FDFT1: variants seen among roughly 807,000 people sequenced by gnomAD.
The protein encoded by FDFT1 is squalene synthase.
A neutral mutation model predicts 46.8 loss-of-function variants in FDFT1; 68 were observed. The ratio of observed to expected loss-of-function variants is 1.45; its 90% CI spans 1.19 to 1.78. The LOEUF is 1.78. FDFT1 is among the 40% of genes most tolerant of loss of function. FDFT1 has a pLI of 0.00. For synonymous variants in FDFT1, 351 were observed against 185.1 expected, an observed-to-expected ratio of 1.90 and a Z score of -7.28; for missense variants, 928 against 524.4, an observed-to-expected ratio of 1.77 and a Z score of -7.52.
intron 3 of FDFT1, among the ~76,000 whole-genome samples, chr8:11,819,680 G>C (rs952837373): frequency 6.6e-6 from 1 of 151,894 alleles, no homozygotes. Context: ...CTTGTACTTT[G>C]GTTTTCAGCT....
At chr8:11,824,182 G>A (rs1052786322) in intron 4 of FDFT1, among the ~76,000 whole-genome samples, 1 of 152,112 alleles carries the variant, frequency 6.6e-6, no homozygotes, top group Non-Finnish European at 1.5e-5. Flanking sequence ...CCTTCCTAAT[G>A]ACACTCCAGA....
At position 11,831,635 on chromosome 8, in the gene FDFT1, G is replaced by T. The variant is rs111415615; in HGVS notation, c.997G>T (p.Ala333Ser). 5.5e-5 allele frequency: 89 copies of T among 1,613,914 alleles called. No individual in the cohort carries two copies. Among genetic ancestry groups the T allele is most frequent in the African/African-American group, 6.7e-5 (5 of 74,930 alleles). ...GATGATGGATGCCACCAATATGCCA[G>T]CTGTCAAAGCCATCATATATCAGTA... ...TLMMDATNMP[A>S]VKAIIYQYME... Residue 333 changes from alanine (A) to serine (S), a missense_variant, in exon 7 of 8, where the codon GCT (alanine) becomes TCT (serine). Transcript: ENST00000220584.
chr8:11,820,712 C>A (rs144852957), intron 3 of FDFT1, among the ~76,000 whole-genome samples: 1 of 152,288 alleles, frequency 6.6e-6, no homozygotes, highest in East Asian at 1.9e-4. Flanking sequence ...CTGCCAGTTG[C>A]GAAGACTGGG....
At chr8:11,814,028 A>G (rs1808099994) in intron 3 of FDFT1, among the ~76,000 whole-genome samples, 1 of 152,214 alleles carries the variant, frequency 6.6e-6, no homozygotes, top group African/African-American at 2.4e-5. Context: ...TTGGAAGGAT[A>G]GGTGAAGTTC....
rs936597292 is a variant in FDFT1 at position 11,817,209 on chromosome 8, G to A, written c.382-4541G>A. Reference sequence around the variant, plus strand: ...GTATGTTGAACAGCCTTGCATCCCAGGGATGAAGCCGACTTGATCGTGGTG... The same window carrying A: ...GTATGTTGAACAGCCTTGCATCCCAAGGATGAAGCCGACTTGATCGTGGTG... On this transcript the variant is annotated intron_variant, in intron 3 of 7. Coordinates refer to ENST00000220584, the MANE Select transcript of FDFT1 (RefSeq NM_004462.5). Among the ~76,000 whole-genome samples, 3 of 152,192 alleles carry A rather than the reference G, an allele frequency of 2.0e-5. No individual in the cohort carries two copies. In the East Asian group the frequency reaches 5.8e-4, roughly 29 times the overall value.
chr8:11,834,311 A>G (rs912799746), intron 7 of FDFT1, among the ~76,000 whole-genome samples: 1 of 152,220 alleles, frequency 6.6e-6, no homozygotes, highest in African/African-American at 2.4e-5. Flanking sequence ...ACCAGCCTGG[A>G]TGCTTGTCAG....
intron 1 of FDFT1, among the ~76,000 whole-genome samples, chr8:11,804,441 T>C (rs980944343): frequency 1.3e-5 from 2 of 152,214 alleles, no homozygotes; most frequent in Non-Finnish European, 1.5e-5. Context: ...TGAGCTATTC[T>C]AGCTCTGATA....
At chr8:11,821,034 C>T (rs1161272345) in intron 3 of FDFT1, among the ~76,000 whole-genome samples, 1 of 152,148 alleles carries the variant, frequency 6.6e-6, no homozygotes, top group Non-Finnish European at 1.5e-5. Flanking sequence ...TGTTTGTTGC[C>T]CTGATGTATA....
chr8:11,810,306 C>T (rs755025556), intron 3 of FDFT1, among the ~76,000 whole-genome samples: 1 of 152,194 alleles, frequency 6.6e-6, no homozygotes, highest in Non-Finnish European at 1.5e-5. Context: ...ATGATGCAGC[C>T]TACCTGTAAC....
rs1387833747 is a variant in FDFT1, at chr8:11,796,341, C to T, written c.-94+330C>T. Among the ~76,000 whole-genome samples the T allele has an allele frequency of 3.3e-5, 5 of 152,110 alleles. 1 individual carries two copies. The highest frequency in any genetic ancestry group is 7.2e-5 in the African/African-American group (3 of 41,400). ...CGCCAGATACTGTGTAGGCCCAGCC[C>T]TTGTGCTTGAGGGGGCCACTGTGAG... On this transcript the variant is annotated intron_variant, in intron 1 of 7. Coordinates refer to the FDFT1 transcript ENST00000538689.
upstream of FDFT1, chr8:11,802,732 C>A (rs1806285691): frequency 2.2e-6 from 2 of 901,260 alleles, no homozygotes; most frequent in Non-Finnish European, 1.8e-6. Context: ...CCTGTCCGGC[C>A]AGCCCCTCGA....
At position 11,802,781 on chromosome 8, in the gene FDFT1, T is replaced by C. The variant is rs956085943; in HGVS notation, c.-52T>C. On this transcript the variant is annotated 5_prime_UTR_variant, in exon 1 of 8. Coordinates refer to ENST00000220584, the MANE Select transcript of FDFT1 (RefSeq NM_004462.5). ...CAGGTCCAGCCGGCCGGTGAGCGCCTGGGGACCGCAGAGGTGAGAGTCGCG... is the reference window on the plus strand; with the variant it reads ...CAGGTCCAGCCGGCCGGTGAGCGCCCGGGGACCGCAGAGGTGAGAGTCGCG... 1 of 1,446,034 alleles carries C rather than the reference T, an allele frequency of 6.9e-7. No individual in the cohort carries two copies. Among genetic ancestry groups the C allele is most frequent in the African/African-American group, 1.4e-5 (1 of 71,276 alleles). The allele number at this position is 1,446,034 out of a possible 1,614,324, so 89.6% of individuals were successfully genotyped here.
intron 7 of FDFT1, among the ~76,000 whole-genome samples, chr8:11,834,748 C>T (rs962092795): frequency 2.0e-5 from 3 of 152,216 alleles, no homozygotes; most frequent in African/African-American, 7.2e-5. Flanking sequence ...ACCACATGGA[C>T]TCACAGAGGA....
At chr8:11,799,688 C>G (rs1195119956), upstream of FDFT1, among the ~76,000 whole-genome samples, 1 of 151,452 alleles carries the variant, frequency 6.6e-6, no homozygotes, top group South Asian at 2.1e-4. Flanking sequence ...TGGCTCACGC[C>G]TGTAATCCCA....
chr8:11,813,407 G>A (rs1050339529), intron 3 of FDFT1, among the ~76,000 whole-genome samples: 1 of 152,122 alleles, frequency 6.6e-6, no homozygotes, highest in Non-Finnish European at 1.5e-5. Context: ...TACTCTTTGT[G>A]TTATTTGATC....
intron 1 of FDFT1, among the ~76,000 whole-genome samples, chr8:11,806,042 G>C (rs1462658421): frequency 6.6e-6 from 1 of 152,150 alleles, no homozygotes; most frequent in Non-Finnish European, 1.5e-5. Flanking sequence ...CCCTCCTGGA[G>C]AAATCTATTC....
chr8:11,828,133 C>A (rs556971946), intron 5 of FDFT1, among the ~76,000 whole-genome samples: 22 of 151,590 alleles, frequency 1.5e-4, no homozygotes, highest in Non-Finnish European at 2.7e-4. Flanking sequence ...AAAAAAAAAT[C>A]AAAAATTAGC....
chr8:11,803,060 G>A, intron 1 of FDFT1, 129 bp downstream of exon 1: 1 of 1,456,746 alleles, frequency 6.9e-7, no homozygotes, highest in African/African-American at 1.4e-5. Context: ...GGGTGTTCCC[G>A]TCCCCCTTTC....
intron 4 of FDFT1, among the ~76,000 whole-genome samples, chr8:11,825,289 C>T (rs1438099105): frequency 2.0e-5 from 3 of 151,968 alleles, no homozygotes; most frequent in South Asian, 4.2e-4. Flanking sequence ...GGCTGGTAAT[C>T]CCAGCACTTT....
Sources: gnomAD v4.1 joint callset for allele counts (sites outside exome capture counted in the v4.1 genomes callset) on GRCh38, gnomAD v4.1.1 for gene constraint, MANE v1.5 for transcripts, NCBI Gene and HGNC (gene_info 2026-07-23, HGNC 2026-07-21) for gene names.